The following CAMK1D variants were observed in gnomAD, a reference collection of about 807,000 sequenced individuals.
CAMK1D encodes the protein calcium/calmodulin-dependent protein kinase type 1D.
A neutral mutation model predicts 47.7 loss-of-function variants in CAMK1D; 9 were observed. The observed-to-expected ratio is 0.19, with a 90% confidence interval of 0.11 to 0.33. CAMK1D has a LOEUF of 0.33. CAMK1D is among the 10% of genes least tolerant of loss of function. CAMK1D has a pLI of 1.00. For missense variants in CAMK1D, 291 were observed against 488.7 expected (o/e 0.60, Z 3.81); for synonymous variants, 184 against 184.9 (o/e 0.99, Z 0.04).
chr10:12,745,171 C>T (rs61847378), intron 3 of CAMK1D, among the ~76,000 whole-genome samples: 2,625 of 152,326 alleles, frequency 0.017, 26 homozygotes, highest in Non-Finnish European at 0.029. Context: ...GCTGGGACTA[C>T]AGGCACCCAC....
chr10:12,376,959 C>T (rs1838202170), intron 1 of CAMK1D, among the ~76,000 whole-genome samples: 1 of 152,034 alleles, frequency 6.6e-6, no homozygotes, highest in South Asian at 2.1e-4. Flanking sequence ...CGGGGTTTCA[C>T]CATGTTGACC....
intron 1 of CAMK1D, among the ~76,000 whole-genome samples, chr10:12,507,001 A>G (rs74469271): frequency 0.018 from 2,741 of 152,352 alleles, 57 homozygotes; most frequent in East Asian, 0.073. Context: ...AACTGAGAAC[A>G]GTTTTCAAAT....
At chr10:12,790,623 ACT>A (rs1185528246) in intron 5 of CAMK1D, among the ~76,000 whole-genome samples, 3 of 147,860 alleles carry the variant, frequency 2.0e-5, no homozygotes, top group East Asian at 2.1e-4. Context: ...GCACACACAC[ACT>A]CACCCACACA....
intron 1 of CAMK1D, among the ~76,000 whole-genome samples, chr10:12,377,832 T>C (rs1438895521): frequency 2.0e-5 from 3 of 152,244 alleles, no homozygotes; most frequent in Non-Finnish European, 4.4e-5. Flanking sequence ...AGGATATGTT[T>C]GGAAATCTCT....
chr10:12,815,397 A>G (rs1345669999), intron 7 of CAMK1D, among the ~76,000 whole-genome samples: 1 of 152,226 alleles, frequency 6.6e-6, no homozygotes, highest in Non-Finnish European at 1.5e-5. Context: ...AGAGCATGTT[A>G]TTATTTGTGT....
At chr10:12,630,243 C>T (rs7919287) in intron 2 of CAMK1D, among the ~76,000 whole-genome samples, 2,731 of 152,268 alleles carry the variant, frequency 0.018, 84 homozygotes, top group African/African-American at 0.061. Context: ...CCCTAGTGAG[C>T]GCATCTTTGT....
At chr10:12,708,165 C>G (rs1833799586) in intron 3 of CAMK1D, among the ~76,000 whole-genome samples, 1 of 152,134 alleles carries the variant, frequency 6.6e-6, no homozygotes, top group African/African-American at 2.4e-5. Flanking sequence ...CCTTAATAGT[C>G]CCCCCAGAGG....
At chr10:12,760,683 A>G (rs916163903) in intron 3 of CAMK1D, 8 of 376,942 alleles carry the variant, frequency 2.1e-5, no homozygotes, top group Non-Finnish European at 3.5e-5. Context: ...ACAGCAGAAC[A>G]GAGGCAGAGG....
chr10:12,510,603 T>C (rs1031321955), intron 1 of CAMK1D, among the ~76,000 whole-genome samples: 1 of 152,184 alleles, frequency 6.6e-6, no homozygotes, highest in Non-Finnish European at 1.5e-5. Flanking sequence ...ATCAGACTCT[T>C]TGCCAAGGGA....
rs76912147 is a variant in CAMK1D at position 12,640,791 on chromosome 10, C to G, written c.225-25945C>G. Among the ~76,000 whole-genome samples the G allele has an allele frequency of 1.6e-3, 243 of 152,130 alleles. 3 individuals are homozygous for G. The highest frequency in any genetic ancestry group is 0.012 in the Admixed American group (178 of 15,284). ...TGGGAGGCCTGCCTCAGCCTTTACC[C>G]CAGTGAATTCTGCAAACATGATTGG... is the stretch of plus-strand genomic sequence containing the variant. On this transcript the variant is annotated intron_variant, in intron 2 of 10. Transcript: ENST00000619168.
At chr10:12,588,870 G>GTGCA (rs1837907729) in intron 2 of CAMK1D, among the ~76,000 whole-genome samples, 1 of 140,782 alleles carries the variant, frequency 7.1e-6, no homozygotes, top group South Asian at 2.2e-4. Flanking sequence ...GTATATATGT[G>GTGCA]TGTGTGTGTG....
intron 1 of CAMK1D, among the ~76,000 whole-genome samples, chr10:12,353,057 A>G (rs905024130): frequency 1.3e-5 from 2 of 152,066 alleles, no homozygotes; most frequent in Non-Finnish European, 2.9e-5. Flanking sequence ...ACTTTCTAGA[A>G]GTGGTCCCCA....
intron 3 of CAMK1D, among the ~76,000 whole-genome samples, chr10:12,743,179 C>T (rs544862900): frequency 1.3e-5 from 2 of 151,704 alleles, no homozygotes; most frequent in East Asian, 3.9e-4. Flanking sequence ...AAACCCCATC[C>T]CTACTAAAAA....
At chr10:12,612,339 CTTTTTTT>C (rs11333936) in intron 2 of CAMK1D, among the ~76,000 whole-genome samples, 3 of 121,732 alleles carry the variant, frequency 2.5e-5, no homozygotes, top group Non-Finnish European at 3.5e-5. Context: ...TAATTAATTA[CTTTTTTT>C]TTTTTTTTTT....
intron 2 of CAMK1D, among the ~76,000 whole-genome samples, chr10:12,637,421 C>T (rs1232453821): frequency 6.6e-6 from 1 of 152,214 alleles, no homozygotes; most frequent in Non-Finnish European, 1.5e-5. Flanking sequence ...GTTGCGATTA[C>T]CTTCCTGCCT....
At chr10:12,387,845 T>C (rs541104876) in intron 1 of CAMK1D, among the ~76,000 whole-genome samples, 1 of 152,228 alleles carries the variant, frequency 6.6e-6, no homozygotes, top group African/African-American at 2.4e-5. Flanking sequence ...CTATCCTCTA[T>C]CGGGATGTAA....
chr10:12,698,091 T>C (rs1833367741), intron 3 of CAMK1D, among the ~76,000 whole-genome samples: 1 of 152,206 alleles, frequency 6.6e-6, no homozygotes, highest in South Asian at 2.1e-4. Flanking sequence ...GTAGTGACAT[T>C]ATAAATACTA....
In CAMK1D at chr10:12,437,222, C is replaced by T. The variant is rs544977461; in HGVS notation, c.92+87312C>T. Among the ~76,000 whole-genome samples, 7 of 152,138 alleles carry T rather than the reference C, an allele frequency of 4.6e-5. No individual in the cohort carries two copies. The South Asian group carries it at 1.2e-3, about 27-fold the overall frequency. ...TGTCTATGTAATCTATCTAGAGTCT[C>T]GCTTTGTCACCCAGGCTGGAGTGCA... is the stretch of plus-strand genomic sequence containing the variant. On this transcript the variant is annotated intron_variant, in intron 1 of 10. Transcript: ENST00000619168.
intron 6 of CAMK1D, among the ~76,000 whole-genome samples, chr10:12,793,840 G>A (rs1248067864): frequency 6.6e-6 from 1 of 152,212 alleles, no homozygotes; most frequent in Non-Finnish European, 1.5e-5. Flanking sequence ...AACTAACCAC[G>A]TTTACCATGG....
Sources: allele counts gnomAD v4.1 joint callset (sites outside exome capture counted in the v4.1 genomes callset), GRCh38; gene constraint gnomAD v4.1.1; transcripts MANE v1.5; gene names NCBI Gene and HGNC (gene_info 2026-07-23, HGNC 2026-07-21).